The following HEATR6 variants were observed in gnomAD, a reference collection of about 807,000 sequenced individuals.
HEATR6 encodes the protein HEAT repeat-containing protein 6.
In HEATR6, 106 loss-of-function variants were observed where a neutral mutation model predicts 132.8. The ratio of observed to expected loss-of-function variants is 0.80; its 90% CI spans 0.68 to 0.94. HEATR6 has a LOEUF of 0.94. Among genes scored for constraint, HEATR6 ranks in the 40% least tolerant of loss-of-function variants. The pLI is 0.00. For synonymous variants in HEATR6, 529 were observed against 537.8 expected, an observed-to-expected ratio of 0.98 and a Z score of 0.23; for missense variants, 1,339 against 1,425.1, an observed-to-expected ratio of 0.94 and a Z score of 0.97.
At chr17:60,070,613 C>T in intron 6 of HEATR6, 93 bp downstream of exon 6, 1 of 583,876 alleles carries the variant, frequency 1.7e-6, no homozygotes, top group Non-Finnish European at 3.0e-6. Context: ...ACTTTTAATA[C>T]CTCAAAGTTA....
intron 19 of HEATR6, 102 bp downstream of exon 19, chr17:60,045,923 A>T: frequency 4.5e-6 from 4 of 887,586 alleles, no homozygotes; most frequent in Admixed American, 4.5e-5. Flanking sequence ...TTTTTTCCTA[A>T]TACTATGACA....
chr17:60,074,659 T>A (rs8067650), intron 2 of HEATR6, among the ~76,000 whole-genome samples: 2 of 152,110 alleles, frequency 1.3e-5, no homozygotes, highest in South Asian at 4.1e-4. Context: ...ACCTCTCCCA[T>A]GTGAGACCTA....
chr17:60,075,065 A>C (rs757319231), intron 2 of HEATR6, among the ~76,000 whole-genome samples: 1 of 152,222 alleles, frequency 6.6e-6, no homozygotes, highest in South Asian at 2.1e-4. Flanking sequence ...TATATGACCT[A>C]AGTCTCTCCA....
intron 14 of HEATR6, among the ~76,000 whole-genome samples, chr17:60,051,710 C>T (rs1409778507): frequency 6.6e-6 from 1 of 152,176 alleles, no homozygotes. Flanking sequence ...TTGTGAATCT[C>T]TGTGGTTTTG....
intron 7 of HEATR6, among the ~76,000 whole-genome samples, chr17:60,068,022 G>A (rs760642830): frequency 9.2e-5 from 14 of 152,198 alleles, no homozygotes; most frequent in Non-Finnish European, 1.9e-4. Flanking sequence ...AAATCATTTA[G>A]CCTCTCTTGA....
At chr17:60,045,225 A>C (rs1411873431) in intron 19 of HEATR6, among the ~76,000 whole-genome samples, 1 of 152,172 alleles carries the variant, frequency 6.6e-6, no homozygotes, top group Admixed American at 6.5e-5. Flanking sequence ...AGAAGCCGGG[A>C]AGCTACCTTA....
chr17:60,059,585 G>T, intron 10 of HEATR6, 64 bp from the exon 11 acceptor site: 2 of 1,133,372 alleles, frequency 1.8e-6, no homozygotes, highest in Non-Finnish European at 1.3e-6. Flanking sequence ...AACAAATTTT[G>T]CAGCATTTAA....
intron 16 of HEATR6, 121 bp downstream of exon 16, chr17:60,049,459 T>C (rs1279545458): frequency 1.8e-6 from 2 of 1,118,326 alleles, no homozygotes; most frequent in Non-Finnish European, 2.6e-6. Context: ...CAATTACAGA[T>C]ATCAGATTAC....
Position 60,078,852 on chromosome 17 carries a change from T to C in HEATR6, c.63A>G (p.Glu21=), listed in dbSNP as rs549188093. 1.4e-6 allele frequency: 2 copies of C among 1,453,746 alleles called. No individual in the cohort carries two copies. The highest frequency in any genetic ancestry group is 3.2e-5 in the East Asian group (1 of 30,936). The allele number at this position is 1,453,746 out of a possible 1,614,324, so 90.1% of individuals were successfully genotyped here. The part of the protein sequence containing the change: ...PSVQPREAPR[E]AIPERGNGFR... ...ACCCATTGCCTCGCTCAGGGATTGC[T>C]TCCCGCGGTGCCTCCCGCGGCTGCA... Residue 21 remains glutamate (E), a synonymous_variant, in exon 1 of 20, where the codon GAA becomes GAG. Transcript: ENST00000184956.
rs1373104781 is a variant in HEATR6, at chr17:60,069,822, T to C, written c.828A>G (p.Gly276=). The C allele has an allele frequency of 6.2e-7, 1 of 1,613,948 alleles. No individual in the cohort carries two copies. Among genetic ancestry groups the C allele is most frequent in the Non-Finnish European group, 8.5e-7 (1 of 1,180,000 alleles). Residue 276 remains glycine, a synonymous_variant, in exon 7 of 20, where the codon GGA becomes GGG. Transcript: ENST00000184956. The part of the protein sequence containing the change: ...LKKFMFHGLP[G]LNIEMPTVLY... Reference sequence around the variant, plus strand: ...ACACCGTGGGCATCTCTATGTTTAGTCCAGGGAGTCCGTGAAACATGAATT... The same window carrying C: ...ACACCGTGGGCATCTCTATGTTTAGCCCAGGGAGTCCGTGAAACATGAATT...
intron 2 of HEATR6, chr17:60,074,292 T>A (rs1212364437): frequency 5.2e-6 from 1 of 191,186 alleles, no homozygotes; most frequent in Non-Finnish European, 9.7e-6. Flanking sequence ...TAACATGACA[T>A]GAGGAATACA....
At chr17:60,069,548 T>C (rs10515176) in intron 7 of HEATR6, among the ~76,000 whole-genome samples, 163 bp downstream of exon 7, 17,080 of 152,256 alleles carry the variant, frequency 0.11, 1,342 homozygotes, top group African/African-American at 0.23. Flanking sequence ...TTAATTGGTA[T>C]TTTGAGCATC....
chr17:60,049,555 A>G, intron 16 of HEATR6, 25 bp downstream of exon 16: 2 of 1,613,002 alleles, frequency 1.2e-6, no homozygotes, highest in Non-Finnish European at 1.7e-6. Flanking sequence ...AGGGGCACAG[A>G]AGAGCTAAAT....
At chr17:60,049,007 TA>T (rs1353370777) in intron 16 of HEATR6, among the ~76,000 whole-genome samples, 2 of 140,290 alleles carry the variant, frequency 1.4e-5, no homozygotes, top group South Asian at 2.3e-4. Flanking sequence ...TATATATATA[TA>T]TATATATATA....
intron 8 of HEATR6, 113 bp from the exon 9 acceptor site, chr17:60,066,499 T>A: frequency 1.3e-6 from 1 of 764,528 alleles, no homozygotes; most frequent in Non-Finnish European, 2.0e-6. Context: ...ATTCAAAAAT[T>A]AAACATTCTA....
chr17:60,056,807 C>A (rs1393342984), intron 12 of HEATR6, among the ~76,000 whole-genome samples: 1 of 152,044 alleles, frequency 6.6e-6, no homozygotes, highest in Non-Finnish European at 1.5e-5. Flanking sequence ...TCATATAATA[C>A]CTGAAGGGAC....
chr17:60,056,221 G>C lies in HEATR6; in HGVS notation c.2096C>G (p.Ala699Gly). Residue 699 changes from alanine to glycine, a missense_variant, in exon 13 of 20, where the codon GCA becomes GGA. Physicochemically the swap from Ala to Gly is moderately conservative, Grantham distance 60. Transcript: ENST00000184956. ...TTGAGTCATTGAAAAGTAGCCCCTT[G>C]CCAGAAGAGTCAATACCTGCAAAGA... ...LEALQVLTLLARGYFSMTQAY... is the reference protein window; with the variant it reads ...LEALQVLTLLGRGYFSMTQAY... 1 of 1,613,780 alleles carries C rather than the reference G, an allele frequency of 6.2e-7. No homozygotes were observed. Among genetic ancestry groups the C allele is most frequent in the Non-Finnish European group, 8.5e-7 (1 of 1,179,862 alleles).
chr17:60,067,629 G>T lies in HEATR6; in HGVS notation c.1043C>A (p.Thr348Lys), dbSNP rs201341929. The change falls in exon 8 of 20, where the codon ACA becomes AAA. Residue 348 changes from threonine (T) to lysine (K), a missense_variant. By Grantham distance (78) the Thr-to-Lys change is moderately conservative (BLOSUM62 -1). Coordinates refer to ENST00000184956, the MANE Select transcript of HEATR6 (RefSeq NM_022070.5). Reference protein sequence around the residue: ...GEIEAAPVTGTGRVNLHEGNT... With the variant: ...GEIEAAPVTGKGRVNLHEGNT... ...CCCTTCATGCAGGTTCACTCTGCCT[G>T]TGCCAGTGACTGGGGCTGCCTCTAT... is the stretch of plus-strand genomic sequence containing the variant. 111 of 1,612,644 alleles carry T rather than the reference G, an allele frequency of 6.9e-5. No individual in the cohort carries two copies. The highest frequency in any genetic ancestry group is 9.3e-5 in the Non-Finnish European group (110 of 1,179,506).
At chr17:60,070,647 G>A (rs942471607) in intron 6 of HEATR6, 59 bp downstream of exon 6, 1 of 929,574 alleles carries the variant, frequency 1.1e-6, no homozygotes, top group Non-Finnish European at 1.8e-6. Context: ...GATGTAAAGT[G>A]GTCCTTGTAC....
Sources: gnomAD v4.1 joint callset for allele counts (sites outside exome capture counted in the v4.1 genomes callset) on GRCh38, gnomAD v4.1.1 for gene constraint, MANE v1.5 for transcripts, NCBI Gene and HGNC (gene_info 2026-07-23, HGNC 2026-07-21) for gene names.